Variants in GRIA1 observed in about 807,000 individuals in gnomAD.
The protein encoded by GRIA1 is glutamate receptor 1.
Under a neutral mutation model 99.2 loss-of-function variants are expected in GRIA1, and 31 were observed. The observed-to-expected ratio is 0.31, with a 90% CI of 0.23 to 0.42. The LOEUF (loss-of-function observed/expected upper bound fraction) is 0.42, where lower values mean the gene tolerates loss of function less well. Ranked by LOEUF, GRIA1 falls within the 10% of genes least tolerant of loss-of-function variation. The pLI, the probability that GRIA1 is intolerant of heterozygous loss-of-function variation, is 1.00. For missense variants in GRIA1, 782 were observed against 1,157.5 expected, an observed-to-expected ratio of 0.68 and a Z score of 4.71; for synonymous variants, 438 against 432.4, an observed-to-expected ratio of 1.01 and a Z score of -0.16.
At chr5:153,615,473 C>A (rs1486864837) in intron 2 of GRIA1, among the ~76,000 whole-genome samples, 1 of 152,224 alleles carries the variant, frequency 6.6e-6, no homozygotes, top group East Asian at 1.9e-4. Flanking sequence ...AAGGCCCTGC[C>A]TCTACAAAAA....
chr5:153,655,802 C>T lies in GRIA1; in HGVS notation c.646-17C>T. ...TGTTAGTATGATTAATGAGTCTCCACCTATTATGTTTTGTAGATTATAAAG... is the reference window on the plus strand; with the variant it reads ...TGTTAGTATGATTAATGAGTCTCCATCTATTATGTTTTGTAGATTATAAAG... On this transcript the variant is annotated splice_polypyrimidine_tract_variant and intron_variant, in intron 4 of 15. Transcript: ENST00000285900. 6.2e-7 allele frequency: 1 copy of T among 1,609,062 alleles called. No homozygotes were observed. The highest frequency in any genetic ancestry group is 1.1e-5 in the South Asian group (1 of 90,964).
At chr5:153,646,686 G>A (rs75367250) in intron 2 of GRIA1, among the ~76,000 whole-genome samples, 27 of 152,222 alleles carry the variant, frequency 1.8e-4, no homozygotes, top group Admixed American at 9.8e-4. Flanking sequence ...GATGAATGAG[G>A]CATCGAACAG....
chr5:153,575,377 A>G (rs1762444823), intron 2 of GRIA1, among the ~76,000 whole-genome samples: 1 of 152,182 alleles, frequency 6.6e-6, no homozygotes, highest in Admixed American at 6.5e-5. Context: ...AGGGAAATGA[A>G]TAACTTGTAC....
intron 3 of GRIA1, among the ~76,000 whole-genome samples, chr5:153,649,803 G>A (rs909781799): frequency 2.6e-5 from 4 of 152,088 alleles, no homozygotes; most frequent in African/African-American, 7.2e-5. Flanking sequence ...GAGAGACAAA[G>A]TATTAGGTAT....
At chr5:153,586,663 G>A (rs1305922572) in intron 2 of GRIA1, among the ~76,000 whole-genome samples, 1 of 152,206 alleles carries the variant, frequency 6.6e-6, no homozygotes, top group Non-Finnish European at 1.5e-5. Flanking sequence ...AACCAGGAGA[G>A]TGGCATGGTG....
chr5:153,665,130 G>A (rs1259306801), intron 5 of GRIA1, among the ~76,000 whole-genome samples: 1 of 152,190 alleles, frequency 6.6e-6, no homozygotes, highest in Non-Finnish European at 1.5e-5. Flanking sequence ...CTATTCCCAG[G>A]CCAGGTAGTA....
intron 2 of GRIA1, among the ~76,000 whole-genome samples, chr5:153,607,717 T>C (rs1267875132): frequency 6.6e-6 from 1 of 152,066 alleles, no homozygotes; most frequent in Non-Finnish European, 1.5e-5. Flanking sequence ...GAATACTTAG[T>C]TTTATTTATT....
intron 2 of GRIA1, among the ~76,000 whole-genome samples, chr5:153,640,036 A>C (rs1428193409): frequency 6.6e-6 from 1 of 152,212 alleles, no homozygotes; most frequent in African/African-American, 2.4e-5. Flanking sequence ...CATGTCAGGC[A>C]CCTGAAGATT....
In GRIA1 at chr5:153,528,678, CTGT is replaced by C. The variant is rs531836093; in HGVS notation, c.220+34619_220+34621del. Among the ~76,000 whole-genome samples the C allele has an allele frequency of 7.2e-5, 11 of 152,322 alleles. No individual in the cohort carries two copies. The South Asian group carries it at 2.3e-3, about 32-fold the overall frequency. On this transcript the variant is annotated intron_variant, in intron 2 of 15. Transcript: ENST00000285900. The stretch of plus-strand genomic sequence containing the variant: ...AACATTTCACTCCTGTGGTTCCTGA[CTGT>C]TGTTGGCAGTTTTCCCACAATTTTC...
chr5:153,752,642 C>T (rs562846099), intron 11 of GRIA1, among the ~76,000 whole-genome samples: 1 of 152,302 alleles, frequency 6.6e-6, no homozygotes, highest in South Asian at 2.1e-4. Context: ...GAGACCATGG[C>T]ATATTCACTT....
intron 2 of GRIA1, among the ~76,000 whole-genome samples, chr5:153,521,896 A>G (rs971659580): frequency 5.9e-5 from 9 of 152,208 alleles, no homozygotes; most frequent in Admixed American, 3.9e-4. Flanking sequence ...GACATGTTTT[A>G]TAGATATTTA....
intron 3 of GRIA1, 150 bp downstream of exon 3, chr5:153,647,317 A>G (rs1754226294): frequency 2.1e-6 from 2 of 956,304 alleles, no homozygotes; most frequent in South Asian, 1.7e-5. Flanking sequence ...ATTTATCAGT[A>G]GCTGACCTCT....
intron 13 of GRIA1, among the ~76,000 whole-genome samples, chr5:153,788,273 C>T (rs1019592979): frequency 2.6e-5 from 4 of 152,136 alleles, no homozygotes; most frequent in Non-Finnish European, 4.4e-5. Context: ...GTATCCTGAA[C>T]GTACAGCCTC....
chr5:153,532,357 A>G (rs981008155), intron 2 of GRIA1, among the ~76,000 whole-genome samples: 6 of 152,062 alleles, frequency 3.9e-5, no homozygotes, highest in Admixed American at 1.3e-4. Flanking sequence ...AGACCTCTGA[A>G]TTTCTTCAGA....
chr5:153,802,497 T>C lies in GRIA1; in HGVS notation c.2520+7T>C. The C allele has an allele frequency of 2.5e-6, 4 of 1,613,878 alleles. No individual in the cohort carries two copies. Among genetic ancestry groups the C allele is most frequent in the Non-Finnish European group, 3.4e-6 (4 of 1,179,890 alleles). ...TGAATCCAAGCGGATGAAGGTGGCA[T>C]CGTCTTCCCGGGCCTTTTTCCTAAC... is the stretch of plus-strand genomic sequence containing the variant. On this transcript the variant is annotated splice_region_variant and intron_variant, in intron 15 of 15. Coordinates refer to ENST00000285900, the MANE Select transcript of GRIA1 (RefSeq NM_000827.4).
At chr5:153,527,006 GTTGT>G (rs1337418189) in intron 2 of GRIA1, among the ~76,000 whole-genome samples, 1 of 152,194 alleles carries the variant, frequency 6.6e-6, no homozygotes, top group Non-Finnish European at 1.5e-5. Flanking sequence ...GGTGCTCAGG[GTTGT>G]TTGTTTCATT....
intron 5 of GRIA1, among the ~76,000 whole-genome samples, chr5:153,666,401 C>T (rs377395111): frequency 3.3e-5 from 5 of 152,202 alleles, no homozygotes; most frequent in Middle Eastern, 3.4e-3. Context: ...ATTTCAAGTA[C>T]CAGCACACAT....
chr5:153,776,340 G>GC lies in GRIA1; in HGVS notation c.2270+5929dup, dbSNP rs1764252253. Among the ~76,000 whole-genome samples, 5 of 152,136 alleles carry GC rather than the reference G, an allele frequency of 3.3e-5. No individual in the cohort carries two copies. The South Asian group carries it at 1.0e-3, about 32-fold the overall frequency. ...TACGTAAGCTTTCTGGGGCTTTTGT[G>GC]CCCCTGCCTAAGGCTTGACTGGGTA... On this transcript the variant is annotated intron_variant, in intron 13 of 15. Coordinates refer to ENST00000285900, the MANE Select transcript of GRIA1 (RefSeq NM_000827.4).
At chr5:153,590,874 T>C (rs991690687) in intron 2 of GRIA1, among the ~76,000 whole-genome samples, 1 of 152,200 alleles carries the variant, frequency 6.6e-6, no homozygotes, top group African/African-American at 2.4e-5. Context: ...AATACCACCT[T>C]TTTTTCTTAC....
Sources: allele counts gnomAD v4.1 joint callset (sites outside exome capture counted in the v4.1 genomes callset), GRCh38; gene constraint gnomAD v4.1.1; transcripts MANE v1.5; gene names NCBI Gene and HGNC (gene_info 2026-07-23, HGNC 2026-07-21).